AP3B1: variants seen among roughly 807,000 people sequenced by gnomAD.
AP3B1 encodes AP-3 complex subunit beta-1.
In AP3B1, 61 loss-of-function variants were observed where a neutral mutation model predicts 132.5. That is an observed-to-expected ratio of 0.46 (90% confidence interval 0.37 to 0.57). The LOEUF (loss-of-function observed/expected upper bound fraction) is 0.57. Ranked by LOEUF, AP3B1 falls within the 20% of genes least tolerant of loss-of-function variation. AP3B1 has a pLI of 0.00. For missense variants in AP3B1, 1,120 were observed against 1,289.4 expected, an observed-to-expected ratio of 0.87 and a Z score of 2.01; for synonymous variants, 388 against 438.3, an observed-to-expected ratio of 0.89 and a Z score of 1.43.
intron 22 of AP3B1, among the ~76,000 whole-genome samples, chr5:78,069,209 T>C (rs557746709): frequency 1.3e-5 from 2 of 152,324 alleles, no homozygotes; most frequent in East Asian, 3.9e-4. Context: ...AAGACAAGGA[T>C]GCTCTCTCTC....
At chr5:78,275,564 C>T (rs1194787014) in intron 1 of AP3B1, among the ~76,000 whole-genome samples, 1 of 152,154 alleles carries the variant, frequency 6.6e-6, no homozygotes, top group African/African-American at 2.4e-5. Context: ...CAACCTCCGC[C>T]TCCCGGGTTC....
At chr5:78,185,841 G>C (rs368784179) in intron 7 of AP3B1, among the ~76,000 whole-genome samples, 42 of 152,254 alleles carry the variant, frequency 2.8e-4, no homozygotes, top group Admixed American at 5.9e-4. Context: ...CTGTGCTCCA[G>C]CCTGGGTGAC....
intron 20 of AP3B1, chr5:78,101,443 A>G (rs957040718): frequency 8.3e-6 from 3 of 359,564 alleles, no homozygotes; most frequent in Non-Finnish European, 1.1e-5. Flanking sequence ...TGGGCTTGTG[A>G]TAGGTCAGCC....
Position 78,233,987 on chromosome 5 carries a change from T to A in AP3B1, c.280-5748A>T, listed in dbSNP as rs568578429. ...AAAATTATATTTTATTTATAATATA[T>A]ACATTTATAAAAGAAGAATGCTTTA... On this transcript the variant is annotated intron_variant, in intron 3 of 26. Transcript: ENST00000255194. Among the ~76,000 whole-genome samples the A allele has an allele frequency of 1.4e-4, 22 of 152,238 alleles. No individual in the cohort carries two copies. In the South Asian group the frequency reaches 1.9e-3, roughly 13 times the overall value.
chr5:78,085,784 T>C (rs1294664299), intron 22 of AP3B1, among the ~76,000 whole-genome samples: 1 of 152,142 alleles, frequency 6.6e-6, no homozygotes, highest in Non-Finnish European at 1.5e-5. Context: ...CTGTAACCAC[T>C]GACAGATACA....
chr5:78,067,557 T>C (rs756682929), intron 22 of AP3B1, among the ~76,000 whole-genome samples: 6 of 152,134 alleles, frequency 3.9e-5, no homozygotes, highest in Non-Finnish European at 7.4e-5. Flanking sequence ...ATAAGTGAAA[T>C]CTTAACAGTC....
intron 24 of AP3B1, among the ~76,000 whole-genome samples, chr5:78,024,590 A>G: frequency 7.6e-6 from 1 of 132,270 alleles, no homozygotes. Context: ...TTTGAGACAG[A>G]GTCTCACTCT....
At chr5:78,162,608 G>T (rs902589884) in intron 13 of AP3B1, among the ~76,000 whole-genome samples, 1 of 151,724 alleles carries the variant, frequency 6.6e-6, no homozygotes, top group Admixed American at 6.6e-5. Flanking sequence ...AATACTACCT[G>T]CTAGTTAATG....
chr5:78,163,511 T>C, intron 12 of AP3B1, among the ~76,000 whole-genome samples: 1 of 151,736 alleles, frequency 6.6e-6, no homozygotes, highest in Non-Finnish European at 1.5e-5. Flanking sequence ...TATAATAAAA[T>C]AAAATACCAT....
intron 17 of AP3B1, among the ~76,000 whole-genome samples, chr5:78,118,508 G>A (rs1047292070): frequency 4.8e-5 from 7 of 145,374 alleles, no homozygotes; most frequent in African/African-American, 1.5e-4. Flanking sequence ...CTTCAAAAAC[G>A]GCACACCAGG....
In AP3B1 at chr5:78,213,048, T is replaced by C. The variant is rs1353119473; in HGVS notation, c.786+3007A>G. ...GCCCGCCACCGTGCCCGGCTAATTT[T>C]TTTTGTATTTTTAGTAGAGATGGGG... On this transcript the variant is annotated intron_variant, in intron 7 of 26. Coordinates refer to ENST00000255194, the MANE Select transcript of AP3B1 (RefSeq NM_003664.5). Among the ~76,000 whole-genome samples, 8 of 152,074 alleles carry C rather than the reference T, an allele frequency of 5.3e-5. No homozygotes were observed. In the East Asian group the frequency reaches 1.4e-3, roughly 26 times the overall value.
chr5:78,174,884 A>G (rs1289144616), intron 11 of AP3B1, among the ~76,000 whole-genome samples: 1 of 152,238 alleles, frequency 6.6e-6, no homozygotes, highest in African/African-American at 2.4e-5. Context: ...GCCCAATTCA[A>G]GCTTCCCAGC....
Position 78,267,544 on chromosome 5 carries a change from C to T in AP3B1, c.180G>A (p.Leu60=). 6.2e-7 allele frequency: 1 copy of T among 1,611,060 alleles called. No individual in the cohort carries two copies. The highest frequency in any genetic ancestry group is 8.5e-7 in the Non-Finnish European group (1 of 1,178,350). ...CCCCAACAATCCGCTTCATAGCATC[C>T]AGTTTAGCAGAATCTTTGTTGCTCT... ...MLESNKDSAK[L]DAMKRIVGMI... The change falls in exon 2 of 27, where the codon CTG becomes CTA. Residue 60 remains leucine (L), a synonymous_variant. Coordinates refer to ENST00000255194, the MANE Select transcript of AP3B1 (RefSeq NM_003664.5).
At chr5:78,097,808 A>G (rs1750938359) in intron 21 of AP3B1, among the ~76,000 whole-genome samples, 1 of 152,212 alleles carries the variant, frequency 6.6e-6, no homozygotes, top group East Asian at 1.9e-4. Context: ...ACGGGCCATG[A>G]TGACAATGGT....
Position 78,123,622 on chromosome 5 carries a change from G to T in AP3B1, c.1968+4408C>A, listed in dbSNP as rs189879540. 2.4e-3 allele frequency among the ~76,000 whole-genome samples: 364 copies of T among 152,324 alleles called. 3 individuals are homozygous for T. Among genetic ancestry groups the T allele is most frequent in the African/African-American group, 8.4e-3 (347 of 41,556 alleles). ...ATGCTCGTCATCACTGACCATCAGA[G>T]AAATGCAAATCAAAACCACAATGAG... On this transcript the variant is annotated intron_variant, in intron 17 of 26. Transcript: ENST00000255194.
chr5:78,153,132 A>T (rs904761658), intron 14 of AP3B1, among the ~76,000 whole-genome samples: 1 of 152,100 alleles, frequency 6.6e-6, no homozygotes, highest in Non-Finnish European at 1.5e-5. Flanking sequence ...CTGAAAGTGG[A>T]GTGTTGAAAT....
At chr5:78,152,288 G>C (rs956255707) in intron 14 of AP3B1, among the ~76,000 whole-genome samples, 2 of 151,734 alleles carry the variant, frequency 1.3e-5, no homozygotes, top group South Asian at 2.1e-4. Flanking sequence ...GTAGAATTCA[G>C]CAGTGAAGCC....
At chr5:78,158,252 G>A (rs1334504307) in intron 13 of AP3B1, among the ~76,000 whole-genome samples, 1 of 152,028 alleles carries the variant, frequency 6.6e-6, no homozygotes, top group Non-Finnish European at 1.5e-5. Flanking sequence ...GATCCCAGGA[G>A]TTTGAGACCA....
chr5:78,244,736 C>T (rs2112525190), intron 2 of AP3B1, among the ~76,000 whole-genome samples: 1 of 152,224 alleles, frequency 6.6e-6, no homozygotes, highest in Middle Eastern at 3.4e-3. Context: ...GTGGCTCACG[C>T]CTGTCATCCC....
Sources: allele counts gnomAD v4.1 joint callset (sites outside exome capture counted in the v4.1 genomes callset), GRCh38; gene constraint gnomAD v4.1.1; transcripts MANE v1.5; gene names NCBI Gene and HGNC (gene_info 2026-07-23, HGNC 2026-07-21).